FRAS1: variants seen among roughly 807,000 people sequenced by gnomAD.
The protein encoded by FRAS1 is extracellular matrix organizing protein FRAS1.
FRAS1 carries 290 observed loss-of-function variants against 435.2 expected under a neutral mutation model. The ratio of observed to expected loss-of-function variants is 0.67; its 90% CI spans 0.61 to 0.73. The LOEUF is 0.73. Among genes scored for constraint, FRAS1 ranks in the 30% least tolerant of loss-of-function variants. FRAS1 has a pLI of 0.00. For missense variants in FRAS1, 4,860 were observed against 5,001.5 expected, an observed-to-expected ratio of 0.97 and a Z score of 0.85; for synonymous variants, 1,800 against 1,851.0, an observed-to-expected ratio of 0.97 and a Z score of 0.71.
intron 35 of FRAS1, among the ~76,000 whole-genome samples, chr4:78,426,449 G>C (rs1560720610): frequency 6.6e-6 from 1 of 151,958 alleles, no homozygotes; most frequent in Admixed American, 6.6e-5. Flanking sequence ...AAAACCCTTG[G>C]TATCTAGTAG....
At chr4:78,298,258 A>G (rs1471218615) in intron 14 of FRAS1, among the ~76,000 whole-genome samples, 2 of 149,582 alleles carry the variant, frequency 1.3e-5, no homozygotes, top group African/African-American at 4.9e-5. Context: ...TAAATATATA[A>G]GGTACATATT....
intron 9 of FRAS1, among the ~76,000 whole-genome samples, chr4:78,275,399 C>T: frequency 6.6e-6 from 1 of 152,280 alleles, no homozygotes; most frequent in East Asian, 1.9e-4. Context: ...GATGCGGTTT[C>T]TTCCTAGCCT....
chr4:78,067,280 G>A (rs1281820188), intron 2 of FRAS1, among the ~76,000 whole-genome samples: 1 of 152,130 alleles, frequency 6.6e-6, no homozygotes, highest in Non-Finnish European at 1.5e-5. Context: ...GAGAGATGAA[G>A]AGATTTGCTA....
At chr4:78,411,742 G>C (rs763304539) in intron 31 of FRAS1, among the ~76,000 whole-genome samples, 1 of 152,036 alleles carries the variant, frequency 6.6e-6, no homozygotes, top group Non-Finnish European at 1.5e-5. Context: ...TTCAATGTTT[G>C]GTTCTTTTTC....
chr4:78,458,342 C>G (rs1430305365), intron 47 of FRAS1, among the ~76,000 whole-genome samples: 1 of 152,158 alleles, frequency 6.6e-6, no homozygotes. Flanking sequence ...CAACCCTTAG[C>G]ACTTACCAGT....
At chr4:78,233,882 A>C (rs1724618681) in intron 2 of FRAS1, among the ~76,000 whole-genome samples, 1 of 152,196 alleles carries the variant, frequency 6.6e-6, no homozygotes, top group Admixed American at 6.5e-5. Context: ...GTAAAATCGA[A>C]ATCATAATAA....
chr4:78,286,666 A>G (rs1727622533), intron 14 of FRAS1, 127 bp downstream of exon 14: 1 of 882,670 alleles, frequency 1.1e-6, no homozygotes, highest in South Asian at 1.7e-5. Flanking sequence ...AACTCTAAAC[A>G]AGACTTCTGA....
At chr4:78,480,920 C>T (rs1719992318) in intron 56 of FRAS1, among the ~76,000 whole-genome samples, 1 of 152,198 alleles carries the variant, frequency 6.6e-6, no homozygotes. Context: ...TGCATTCTCA[C>T]TTAATATTCT....
intron 9 of FRAS1, among the ~76,000 whole-genome samples, chr4:78,276,047 C>A (rs544898828): frequency 6.6e-6 from 1 of 152,212 alleles, no homozygotes; most frequent in East Asian, 1.9e-4. Context: ...CTTCCCTTCT[C>A]GCTTCATTTC....
intron 22 of FRAS1, among the ~76,000 whole-genome samples, chr4:78,367,636 T>TA: frequency 7.0e-6 from 1 of 141,994 alleles, no homozygotes; most frequent in African/African-American, 3.0e-5. Context: ...CTAAAAATCT[T>TA]AGATTTTTTT....
chr4:78,364,592 T>C (rs2110297343), intron 22 of FRAS1, among the ~76,000 whole-genome samples: 1 of 152,312 alleles, frequency 6.6e-6, no homozygotes, highest in Admixed American at 6.5e-5. Flanking sequence ...ATAGATGTCT[T>C]ATTTCTCAAG....
chr4:78,309,293 T>A (rs1364132175), intron 15 of FRAS1, among the ~76,000 whole-genome samples: 1 of 152,212 alleles, frequency 6.6e-6, no homozygotes, highest in Non-Finnish European at 1.5e-5. Context: ...ATGATAAGTC[T>A]GTGTTGTTTT....
chr4:78,206,143 A>T (rs1046408332), intron 2 of FRAS1, among the ~76,000 whole-genome samples: 3 of 152,126 alleles, frequency 2.0e-5, no homozygotes, highest in African/African-American at 7.2e-5. Flanking sequence ...AAGGATCTTG[A>T]GATAGGAGTT....
intron 2 of FRAS1, among the ~76,000 whole-genome samples, chr4:78,074,215 G>C (rs1027719702): frequency 1.3e-5 from 2 of 152,112 alleles, no homozygotes; most frequent in Admixed American, 6.6e-5. Context: ...AGATTTCATT[G>C]CTCTTTGTAC....
intron 5 of FRAS1, among the ~76,000 whole-genome samples, chr4:78,253,040 A>C (rs1327133005): frequency 6.6e-6 from 1 of 152,072 alleles, no homozygotes; most frequent in Non-Finnish European, 1.5e-5. Flanking sequence ...ACTGCAGGAG[A>C]CCAGGGTGTA....
chr4:78,256,651 T>C (rs959378377), intron 6 of FRAS1, among the ~76,000 whole-genome samples: 3 of 152,194 alleles, frequency 2.0e-5, no homozygotes, highest in Non-Finnish European at 4.4e-5. Flanking sequence ...ACATAAACTC[T>C]AGCTTCATGC....
intron 2 of FRAS1, among the ~76,000 whole-genome samples, chr4:78,208,001 C>T (rs897683850): frequency 2.0e-4 from 30 of 152,210 alleles, no homozygotes; most frequent in African/African-American, 7.0e-4. Context: ...CCAGAAAAGC[C>T]GAGGGAACCC....
At chr4:78,262,791 GT>G (rs1440308518) in intron 6 of FRAS1, among the ~76,000 whole-genome samples, 1 of 152,106 alleles carries the variant, frequency 6.6e-6, no homozygotes, top group Non-Finnish European at 1.5e-5. Flanking sequence ...TTAGTAATAT[GT>G]TTTAGTACTA....
At chr4:78,400,234 A>G (rs576065061) in intron 29 of FRAS1, among the ~76,000 whole-genome samples, 1 of 152,224 alleles carries the variant, frequency 6.6e-6, no homozygotes, top group East Asian at 1.9e-4. Flanking sequence ...CTATTCTCCC[A>G]CAGCTCCCTG....
Sources: gnomAD v4.1 joint callset for allele counts (sites outside exome capture counted in the v4.1 genomes callset) on GRCh38, gnomAD v4.1.1 for gene constraint, MANE v1.5 for transcripts, NCBI Gene and HGNC (gene_info 2026-07-23, HGNC 2026-07-21) for gene names.